Variants in SLC39A10 observed in about 807,000 individuals in gnomAD.
The protein encoded by SLC39A10 is solute carrier family 39 member 10.
In SLC39A10, 13 loss-of-function variants were observed where a neutral mutation model predicts 65.1. The observed-to-expected ratio is 0.20, with a 90% CI of 0.13 to 0.32. The LOEUF (loss-of-function observed/expected upper bound fraction) is 0.32. Among genes scored for constraint, SLC39A10 ranks in the 10% least tolerant of loss-of-function variants. The pLI, the probability that SLC39A10 is intolerant of heterozygous loss-of-function variation, is 1.00. For synonymous variants in SLC39A10, 321 were observed against 342.2 expected (o/e 0.94, Z 0.68); for missense variants, 831 against 1,018.4 (o/e 0.82, Z 2.50).
intron 1 of SLC39A10, among the ~76,000 whole-genome samples, chr2:195,660,696 C>T (rs1003036008): frequency 2.0e-5 from 3 of 152,120 alleles, no homozygotes; most frequent in African/African-American, 4.8e-5. Context: ...AGAGATAGAA[C>T]AATCACCAAG....
chr2:195,716,585 A>C, intron 6 of SLC39A10, 52 bp from the exon 7 acceptor site: 6 of 1,399,020 alleles, frequency 4.3e-6, no homozygotes, highest in Non-Finnish European at 5.8e-6. Flanking sequence ...TAAATTAGCA[A>C]ATATCCATGC....
chr2:195,729,207 C>T (rs1284610329), intron 9 of SLC39A10, among the ~76,000 whole-genome samples: 1 of 152,024 alleles, frequency 6.6e-6, no homozygotes, highest in Non-Finnish European at 1.5e-5. Flanking sequence ...GTCTCAAACT[C>T]CTGGGCCCAA....
intron 5 of SLC39A10, among the ~76,000 whole-genome samples, chr2:195,710,224 A>G (rs971043849): frequency 1.3e-5 from 2 of 152,194 alleles, no homozygotes; most frequent in Non-Finnish European, 2.9e-5. Flanking sequence ...ACTCCTCCCT[A>G]TTCACTTCAG....
chr2:195,678,414 T>TATGA (rs1690174696), intron 1 of SLC39A10, among the ~76,000 whole-genome samples: 1 of 152,218 alleles, frequency 6.6e-6, no homozygotes, highest in Non-Finnish European at 1.5e-5. Flanking sequence ...TGGCTGCTGT[T>TATGA]ATGAAGTGCT....
At chr2:195,675,290 C>T (rs755484991) in intron 1 of SLC39A10, among the ~76,000 whole-genome samples, 1 of 152,032 alleles carries the variant, frequency 6.6e-6, no homozygotes, top group African/African-American at 2.4e-5. Flanking sequence ...TAAATTTGAG[C>T]GTGCTTGGAT....
At chr2:195,655,684 A>T (rs1182782337), upstream of SLC39A10, among the ~76,000 whole-genome samples, 1 of 152,140 alleles carries the variant, frequency 6.6e-6, no homozygotes, top group Non-Finnish European at 1.5e-5. Flanking sequence ...TGAAACTAGG[A>T]CTCAGGCTTA....
At chr2:195,714,554 C>T (rs999963554) in intron 6 of SLC39A10, among the ~76,000 whole-genome samples, 2 of 152,074 alleles carry the variant, frequency 1.3e-5, no homozygotes, top group Non-Finnish European at 2.9e-5. Flanking sequence ...GATGCATTCT[C>T]CACCCCTCCC....
At chr2:195,730,661 T>C (rs1321234324) in intron 9 of SLC39A10, among the ~76,000 whole-genome samples, 1 of 152,242 alleles carries the variant, frequency 6.6e-6, no homozygotes, top group Non-Finnish European at 1.5e-5. Context: ...ATTTGTTGGC[T>C]GATGATTCCT....
intron 1 of SLC39A10, chr2:195,658,131 T>C (rs1689235773): frequency 6.6e-6 from 1 of 152,280 alleles, no homozygotes; most frequent in African/African-American, 2.4e-5. Context: ...CCTCTCCGGG[T>C]CTGGGAATCT....
intron 2 of SLC39A10, among the ~76,000 whole-genome samples, chr2:195,617,285 G>A (rs182480727): frequency 8.1e-4 from 124 of 152,154 alleles, no homozygotes; most frequent in African/African-American, 2.6e-3. Context: ...TAACTGAGCC[G>A]GGCGTAGTGG....
intron 1 of SLC39A10, among the ~76,000 whole-genome samples, chr2:195,665,453 A>G (rs190034253): frequency 5.3e-5 from 8 of 152,360 alleles, no homozygotes; most frequent in African/African-American, 1.9e-4. Flanking sequence ...CCTGGGCAAC[A>G]GTGGAAACCT....
intron 3 of SLC39A10, among the ~76,000 whole-genome samples, chr2:195,689,325 G>A (rs549709733): frequency 4.3e-4 from 66 of 152,232 alleles, no homozygotes; most frequent in Non-Finnish European, 8.2e-4. Context: ...AGGAGGCGGA[G>A]GCAGGAGGAT....
At chr2:195,695,121 C>G (rs932755896) in intron 3 of SLC39A10, among the ~76,000 whole-genome samples, 2 of 152,234 alleles carry the variant, frequency 1.3e-5, no homozygotes, top group African/African-American at 4.8e-5. Context: ...GCATTCCTCT[C>G]AGTGCTCAAG....
At chr2:195,615,793 T>C (rs1688194053) in intron 2 of SLC39A10, among the ~76,000 whole-genome samples, 1 of 152,240 alleles carries the variant, frequency 6.6e-6, no homozygotes, top group African/African-American at 2.4e-5. Context: ...TTCAGATATA[T>C]AATACATTTA....
chr2:195,646,280 G>A (rs138092101), intron 2 of SLC39A10, among the ~76,000 whole-genome samples: 130 of 152,094 alleles, frequency 8.5e-4, no homozygotes, highest in African/African-American at 3.0e-3. Flanking sequence ...TTACTTAAGC[G>A]TACCCTGATG....
intron 2 of SLC39A10, among the ~76,000 whole-genome samples, chr2:195,625,222 A>AAAAAGAAAG (rs1553491765): frequency 8.9e-6 from 1 of 112,184 alleles, no homozygotes; most frequent in African/African-American, 3.1e-5. Flanking sequence ...GTCTCAAAAA[A>AAAAAGAAAG]AAAGAAAGAA....
intron 1 of SLC39A10, among the ~76,000 whole-genome samples, chr2:195,671,413 C>T (rs1455134123): frequency 2.6e-5 from 4 of 152,186 alleles, no homozygotes; most frequent in Non-Finnish European, 4.4e-5. Context: ...TCAGTAGCCT[C>T]ATCCATTGAT....
intron 5 of SLC39A10, among the ~76,000 whole-genome samples, chr2:195,712,338 C>G (rs912250841): frequency 1.3e-5 from 2 of 152,184 alleles, no homozygotes; most frequent in Non-Finnish European, 2.9e-5. Context: ...GCCAGAATTC[C>G]AGGGCAGGGG....
chr2:195,619,522 G>GAAGTTCCTGATCCCC, intron 2 of SLC39A10, among the ~76,000 whole-genome samples: 1 of 152,308 alleles, frequency 6.6e-6, no homozygotes, highest in African/African-American at 2.4e-5. Flanking sequence ...ACACAGGGCT[G>GAAGTTCCTGATCCCC]AGGTGTGATG....
Sources: gnomAD v4.1 joint callset for allele counts (sites outside exome capture counted in the v4.1 genomes callset) on GRCh38, gnomAD v4.1.1 for gene constraint, MANE v1.5 for transcripts, NCBI Gene and HGNC (gene_info 2026-07-23, HGNC 2026-07-21) for gene names.